The following FAM222A variants were observed in gnomAD, a reference collection of about 807,000 sequenced individuals.
FAM222A encodes the protein family with sequence similarity 222 member A.
In FAM222A, 7 loss-of-function variants were observed where a neutral mutation model predicts 25.8. The ratio of observed to expected loss-of-function variants is 0.27; its 90% CI spans 0.15 to 0.51. FAM222A has a LOEUF of 0.51. Among genes scored for constraint, FAM222A ranks in the 20% least tolerant of loss-of-function variants. FAM222A has a pLI of 0.97. For synonymous variants in FAM222A, 294 were observed against 298.8 expected, an observed-to-expected ratio of 0.98 and a Z score of 0.17; for missense variants, 573 against 640.5, an observed-to-expected ratio of 0.89 and a Z score of 1.14.
chr12:109,736,758 G>A (rs1002586386), intron 1 of FAM222A, among the ~76,000 whole-genome samples: 1 of 152,178 alleles, frequency 6.6e-6, no homozygotes, highest in Non-Finnish European at 1.5e-5. Flanking sequence ...AGTTCCCATG[G>A]CGACTGACAT....
intron 1 of FAM222A, among the ~76,000 whole-genome samples, chr12:109,739,606 C>T (rs1723099130): frequency 6.6e-6 from 1 of 152,144 alleles, no homozygotes; most frequent in Non-Finnish European, 1.5e-5. Flanking sequence ...CTCACCCCTT[C>T]CTTCTGTGAT....
chr12:109,733,466 T>C (rs1887997563), intron 1 of FAM222A, among the ~76,000 whole-genome samples: 1 of 151,848 alleles, frequency 6.6e-6, no homozygotes, highest in Admixed American at 6.6e-5. Context: ...CAGTGGCGTG[T>C]GATCTCAGCT....
At chr12:109,735,356 G>A (rs1487637568) in intron 1 of FAM222A, among the ~76,000 whole-genome samples, 6 of 152,212 alleles carry the variant, frequency 3.9e-5, no homozygotes, top group East Asian at 1.9e-4. Flanking sequence ...TGGGTACAAC[G>A]CCAATCATGT....
At chr12:109,764,408 C>A (rs1454607866) in intron 2 of FAM222A, among the ~76,000 whole-genome samples, 1 of 152,214 alleles carries the variant, frequency 6.6e-6, no homozygotes, top group Non-Finnish European at 1.5e-5. Flanking sequence ...AACAGGCACT[C>A]CTTTTTTTTC....
intron 1 of FAM222A, among the ~76,000 whole-genome samples, chr12:109,721,220 C>G (rs1481252639): frequency 2.0e-5 from 3 of 152,220 alleles, no homozygotes; most frequent in African/African-American, 7.2e-5. Context: ...CCTTCATTAT[C>G]CACACAAGCT....
chr12:109,724,519 T>C (rs1887806522), intron 1 of FAM222A, among the ~76,000 whole-genome samples: 1 of 152,098 alleles, frequency 6.6e-6, no homozygotes, highest in Admixed American at 6.5e-5. Flanking sequence ...GTAAAGGACA[T>C]TGGGCGCCAG....
intron 2 of FAM222A, among the ~76,000 whole-genome samples, chr12:109,748,330 CTTTCTTTTTTTTTTTTTT>C (rs1375182449): frequency 4.5e-4 from 18 of 40,446 alleles, no homozygotes; most frequent in South Asian, 3.9e-3. Context: ...CTTTGGTTTT[CTTTCTTTTTTTTTTTTTT>C]TTTTTTGGAA....
At chr12:109,726,375 C>T (rs1044932979) in intron 1 of FAM222A, among the ~76,000 whole-genome samples, 2 of 152,164 alleles carry the variant, frequency 1.3e-5, no homozygotes, top group African/African-American at 2.4e-5. Context: ...CATTTGGTTG[C>T]TGCACAGACC....
In FAM222A at chr12:109,768,850, G is replaced by A. The variant is rs538694450; in HGVS notation, c.921G>A (p.Thr307=). 13 of 1,581,778 alleles carry A rather than the reference G, an allele frequency of 8.2e-6. No homozygotes were observed. Among genetic ancestry groups the A allele is most frequent in the African/African-American group, 2.7e-5 (2 of 74,432 alleles). ...CACTGCGTGCCTACAGTGGGAGCAC[G>A]GTGGCCAGCAAGTCCCCTGAGGCTT... ...PQPLRAYSGS[T]VASKSPEACG... The change falls in exon 3 of 3, where the codon ACG becomes ACA. Residue 307 remains threonine, a synonymous_variant. Transcript: ENST00000538780.
At chr12:109,744,022 G>A (rs1592788660) in intron 1 of FAM222A, 79 bp from the exon 2 acceptor site, 1 of 1,444,246 alleles carries the variant, frequency 6.9e-7, no homozygotes, top group South Asian at 1.4e-5. Flanking sequence ...GGGGTTGCAG[G>A]GAGACTCCCG....
intron 2 of FAM222A, among the ~76,000 whole-genome samples, chr12:109,767,373 C>CA (rs1357370674): frequency 6.6e-6 from 1 of 152,066 alleles, no homozygotes; most frequent in East Asian, 1.9e-4. Context: ...GCAAAAAATA[C>CA]AAAAATTAGC....
At chr12:109,730,147 CCCTTACCCTACAGGCTGGCTCTCCT>C (rs1317620461) in intron 1 of FAM222A, among the ~76,000 whole-genome samples, 2 of 152,196 alleles carry the variant, frequency 1.3e-5, no homozygotes, top group African/African-American at 4.8e-5. Flanking sequence ...AAACGGCCCA[CCCTTACCCTACAGGCTGGCTCTCCT>C]CCTTACCCTA....
intron 1 of FAM222A, among the ~76,000 whole-genome samples, chr12:109,733,869 GAT>G (rs1888008662): frequency 6.6e-6 from 1 of 152,134 alleles, no homozygotes; most frequent in African/African-American, 2.4e-5. Flanking sequence ...GGACAGTGCA[GAT>G]AGACATTGGG....
chr12:109,749,365 C>CA (rs1352658052), intron 2 of FAM222A, among the ~76,000 whole-genome samples: 2 of 152,198 alleles, frequency 1.3e-5, no homozygotes, highest in African/African-American at 2.4e-5. Flanking sequence ...CTCAGCCTTC[C>CA]AAAGTACTGG....
rs144820814 is a variant in FAM222A, at chr12:109,728,702, C to T, written c.-47+13805C>T. 4.6e-4 allele frequency among the ~76,000 whole-genome samples: 70 copies of T among 152,350 alleles called. 1 individual carries two copies. Among genetic ancestry groups the T allele is most frequent in the Admixed American group, 1.1e-3 (17 of 15,308 alleles). On this transcript the variant is annotated intron_variant, in intron 1 of 2. Transcript: ENST00000538780. ...CCTTTTCACCAATCTCCCATCTCTT[C>T]GTGCACAGTGTGGCACATGGTAGGC...
At chr12:109,728,189 G>A (rs1041317054) in intron 1 of FAM222A, among the ~76,000 whole-genome samples, 17 of 152,202 alleles carry the variant, frequency 1.1e-4, no homozygotes, top group African/African-American at 4.1e-4. Flanking sequence ...AGCTACAGCA[G>A]TGGGTGGGTC....
intron 1 of FAM222A, among the ~76,000 whole-genome samples, chr12:109,735,178 CTT>C (rs1393281094): frequency 6.6e-6 from 1 of 152,232 alleles, no homozygotes; most frequent in Admixed American, 6.5e-5. Context: ...TCTAAACACT[CTT>C]GGGTCATTCT....
chr12:109,729,744 G>A (rs2136324137), intron 1 of FAM222A, among the ~76,000 whole-genome samples: 1 of 152,352 alleles, frequency 6.6e-6, no homozygotes, highest in African/African-American at 2.4e-5. Flanking sequence ...CAAAATACGG[G>A]AACAGGCCCA....
intron 2 of FAM222A, among the ~76,000 whole-genome samples, chr12:109,767,785 C>T (rs1398694924): frequency 6.6e-6 from 1 of 152,216 alleles, no homozygotes; most frequent in East Asian, 1.9e-4. Context: ...GTCCTGTCTC[C>T]TGGCCTGGGT....
Sources: allele counts gnomAD v4.1 joint callset (sites outside exome capture counted in the v4.1 genomes callset), GRCh38; gene constraint gnomAD v4.1.1; transcripts MANE v1.5; gene names NCBI Gene and HGNC (gene_info 2026-07-23, HGNC 2026-07-21).